Variants in NELL1 observed in about 807,000 individuals in gnomAD.
The protein encoded by NELL1 is protein kinase C-binding protein NELL1.
NELL1 carries 76 observed loss-of-function variants against 107.4 expected under a neutral mutation model. The ratio of observed to expected loss-of-function variants is 0.71; its 90% CI spans 0.59 to 0.86. NELL1 has a LOEUF of 0.86. NELL1 is among the 40% of genes least tolerant of loss of function. The probability of loss-of-function intolerance (pLI) is 0.00; values close to 1 mark genes in which losing one functional copy is unlikely to be tolerated. For synonymous variants in NELL1, 353 were observed against 341.2 expected, an observed-to-expected ratio of 1.03 and a Z score of -0.38; for missense variants, 1,024 against 1,005.5, an observed-to-expected ratio of 1.02 and a Z score of -0.25.
At chr11:21,083,449 A>G (rs1015539101) in intron 12 of NELL1, among the ~76,000 whole-genome samples, 13 of 152,202 alleles carry the variant, frequency 8.5e-5, no homozygotes, top group South Asian at 2.1e-4. Flanking sequence ...TGCTAGCTGT[A>G]TTCCTTATGG....
chr11:21,134,976 T>A (rs1415232550), intron 13 of NELL1, among the ~76,000 whole-genome samples: 1 of 152,192 alleles, frequency 6.6e-6, no homozygotes, highest in Non-Finnish European at 1.5e-5. Context: ...ATAATCAGTG[T>A]AAAAGACCGA....
intron 13 of NELL1, among the ~76,000 whole-genome samples, chr11:21,113,967 C>T (rs1855167597): frequency 6.6e-6 from 1 of 151,934 alleles, no homozygotes. Context: ...ACTGAAGTCC[C>T]AGTTGCCAAT....
intron 15 of NELL1, among the ~76,000 whole-genome samples, chr11:21,528,920 T>G (rs1855927147): frequency 6.6e-6 from 1 of 152,148 alleles, no homozygotes; most frequent in Admixed American, 6.5e-5. Context: ...TTTCCTTGTT[T>G]GCTTGTTTCT....
chr11:21,281,046 A>AC (rs1198737050), intron 14 of NELL1, among the ~76,000 whole-genome samples: 1 of 150,868 alleles, frequency 6.6e-6, no homozygotes, highest in Non-Finnish European at 1.5e-5. Context: ...TCCCAAGGAG[A>AC]CCCCTTTCTT....
chr11:21,199,077 GA>G (rs915064088), intron 13 of NELL1, among the ~76,000 whole-genome samples: 30 of 151,946 alleles, frequency 2.0e-4, no homozygotes, highest in Non-Finnish European at 3.1e-4. Context: ...TCTGGTCTGG[GA>G]AAAAAATAGG....
intron 12 of NELL1, among the ~76,000 whole-genome samples, chr11:21,094,370 A>G (rs1854591707): frequency 6.6e-6 from 1 of 152,164 alleles, no homozygotes; most frequent in Non-Finnish European, 1.5e-5. Context: ...GAGTGTCTGC[A>G]TCTTTTCCAG....
chr11:20,999,647 G>A (rs1281409490), intron 12 of NELL1, among the ~76,000 whole-genome samples: 1 of 151,318 alleles, frequency 6.6e-6, no homozygotes, highest in Non-Finnish European at 1.5e-5. Context: ...AAAATTAGTA[G>A]CCTATCCCCT....
rs748364710 is a variant in NELL1 at position 20,669,736 on chromosome 11, T to G, written c.13T>G (p.Leu5Val). 6.8e-6 allele frequency: 11 copies of G among 1,612,968 alleles called. No homozygotes were observed. The highest frequency in any genetic ancestry group is 9.3e-6 in the Non-Finnish European group (11 of 1,179,374). The change falls in exon 1 of 20, where the codon TTG (leucine) becomes GTG (valine). Residue 5 changes from leucine (L) to valine (V), a missense_variant. Transcript: ENST00000357134. This position sits in a 1 kb window ranked among gnomAD's most constrained non-coding sequence, Gnocchi z 4.4. ...ACCCTCGAGAGCGATGCCGATGGAT[T>G]TGATTTTAGTTGTGTGGTTCTGTGT... The part of the protein sequence containing the change: MPMD[L>V]ILVVWFCVCT...
intron 17 of NELL1, among the ~76,000 whole-genome samples, chr11:21,568,422 T>C (rs1282969633): frequency 6.6e-6 from 1 of 151,842 alleles, no homozygotes; most frequent in African/African-American, 2.4e-5. Context: ...ATGAACCTTG[T>C]ATACTTAGGC....
intron 17 of NELL1, among the ~76,000 whole-genome samples, chr11:21,567,564 A>G (rs1020262244): frequency 4.6e-5 from 7 of 151,856 alleles, no homozygotes; most frequent in Admixed American, 4.6e-4. Context: ...GAGCCAATGC[A>G]CACGATACAT....
intron 13 of NELL1, 67 bp downstream of exon 13, chr11:21,113,781 T>C (rs551122090): frequency 4.0e-6 from 6 of 1,511,752 alleles, no homozygotes; most frequent in South Asian, 2.5e-5. Context: ...TGTGTTATTA[T>C]GTTTAATTCC....
chr11:21,262,860 T>C (rs1313056255), intron 14 of NELL1, among the ~76,000 whole-genome samples: 3 of 151,896 alleles, frequency 2.0e-5, no homozygotes, highest in African/African-American at 7.2e-5. Flanking sequence ...CCTTTTTCCT[T>C]GGTCTTCTCT....
Position 21,534,304 on chromosome 11 carries a change from G to C in NELL1, c.1646-70G>C, listed in dbSNP as rs1350889831. The C allele has an allele frequency of 1.9e-6, 3 of 1,570,680 alleles. No individual in the cohort carries two copies. In the African/African-American group the frequency reaches 4.1e-5, roughly 21 times the overall value. Reference sequence around the variant, plus strand: ...GATATGTTGACATGAGCATGTTTTAGGCATTTCCTGAAAGGTTAGTGTCAA... The same window carrying C: ...GATATGTTGACATGAGCATGTTTTACGCATTTCCTGAAAGGTTAGTGTCAA... On this transcript the variant is annotated intron_variant, in intron 15 of 19. Coordinates refer to ENST00000357134, the MANE Select transcript of NELL1 (RefSeq NM_006157.5).
chr11:21,299,511 A>ATG (rs71063696), intron 14 of NELL1, among the ~76,000 whole-genome samples: 2,694 of 136,362 alleles, frequency 0.02, 30 homozygotes, highest in East Asian at 0.066. Flanking sequence ...ATTGTCTTAT[A>ATG]TGTGTGTGTG....
intron 10 of NELL1, among the ~76,000 whole-genome samples, chr11:20,938,932 CTCTCTCTCTGTGTGTGTG>C (rs767569798): frequency 7.1e-6 from 1 of 140,590 alleles, no homozygotes; most frequent in African/African-American, 2.7e-5. Context: ...CTCTCTCTCT[CTCTCTCTCTGTGTGTGTG>C]TGTGTGTGTG....
chr11:20,825,474 C>T (rs534083358), intron 3 of NELL1, among the ~76,000 whole-genome samples: 21 of 151,544 alleles, frequency 1.4e-4, no homozygotes, highest in African/African-American at 4.8e-4. Context: ...CATGGGAGTC[C>T]ACCTCTTGCA....
At chr11:20,883,780 T>A (rs570798223) in intron 4 of NELL1, among the ~76,000 whole-genome samples, 1 of 152,226 alleles carries the variant, frequency 6.6e-6, no homozygotes, top group South Asian at 2.1e-4. Flanking sequence ...ATGACTGTAG[T>A]AAATTCTTTC....
Position 20,693,375 on chromosome 11 carries a change from C to T in NELL1, c.184+15315C>T, listed in dbSNP as rs532609511. On this transcript the variant is annotated intron_variant, in intron 2 of 19. Coordinates refer to ENST00000357134, the MANE Select transcript of NELL1 (RefSeq NM_006157.5). ...GCTTGTTAGTTGATGCAGTTTCTTC[C>T]TAGTCTCGATGGTCTTTACATTTTG... is the stretch of plus-strand genomic sequence containing the variant. Among the ~76,000 whole-genome samples the T allele has an allele frequency of 4.0e-3, 609 of 151,898 alleles. 6 individuals carry two copies. The highest frequency in any genetic ancestry group is 0.014 in the African/African-American group (575 of 41,456).
At chr11:20,945,206 G>A (rs1487925724) in intron 10 of NELL1, among the ~76,000 whole-genome samples, 1 of 152,182 alleles carries the variant, frequency 6.6e-6, no homozygotes, top group Non-Finnish European at 1.5e-5. Flanking sequence ...GAGGGTGTGG[G>A]GGATGCCAGA....
Sources: gnomAD v4.1 joint callset for allele counts (sites outside exome capture counted in the v4.1 genomes callset) on GRCh38, gnomAD v4.1.1 for gene constraint, Gnocchi (gnomAD v3.1) non-coding constraint, MANE v1.5 for transcripts, NCBI Gene and HGNC (gene_info 2026-07-23, HGNC 2026-07-21) for gene names.